SAMD4B: variants seen among roughly 807,000 people sequenced by gnomAD.
The protein encoded by SAMD4B is sterile alpha motif domain containing 4B.
In SAMD4B, 5 loss-of-function variants were observed where a neutral mutation model predicts 74.5. The ratio of observed to expected loss-of-function variants is 0.07; its 90% CI spans 0.04 to 0.14. SAMD4B has a LOEUF of 0.14. Ranked by LOEUF, SAMD4B falls within the 10% of genes least tolerant of loss-of-function variation. The probability of loss-of-function intolerance (pLI) is 1.00; values close to 1 mark genes in which losing one functional copy is unlikely to be tolerated. For synonymous variants in SAMD4B, 373 were observed against 374.9 expected, an observed-to-expected ratio of 1.00 and a Z score of 0.06; for missense variants, 608 against 921.8, an observed-to-expected ratio of 0.66 and a Z score of 4.41.
intron 3 of SAMD4B, among the ~76,000 whole-genome samples, chr19:39,360,826 C>G (rs1397407859): frequency 6.6e-6 from 1 of 152,172 alleles, no homozygotes; most frequent in African/African-American, 2.4e-5. Flanking sequence ...GTGACTGTTA[C>G]AATCCAGATT....
intron 3 of SAMD4B, among the ~76,000 whole-genome samples, chr19:39,365,992 G>A (rs1357367617): frequency 1.3e-5 from 2 of 152,114 alleles, no homozygotes; most frequent in African/African-American, 4.8e-5. Flanking sequence ...TTTGAGAGCA[G>A]GAATTTGAGA....
In SAMD4B at chr19:39,378,665, T is replaced by G. The variant is rs2077751876; in HGVS notation, c.1530+76T>G. The stretch of plus-strand genomic sequence containing the variant: ...GGTTCACGCCTGTAGTCCCAGCACT[T>G]CGGCCACCGAGGCGGGCGGATCATG... On this transcript the variant is annotated intron_variant, in intron 9 of 13. Transcript: ENST00000610417. This position sits in a 1 kb window ranked among gnomAD's most constrained non-coding sequence, Gnocchi z 4.4. 4 of 1,286,634 alleles carry G rather than the reference T, an allele frequency of 3.1e-6. No homozygotes were observed. The highest frequency in any genetic ancestry group is 4.5e-6 in the Non-Finnish European group (4 of 893,930). 79.7% of individuals were successfully genotyped at this position (1,286,634 alleles called of 1,614,324 possible).
At chr19:39,388,685 G>C, downstream of SAMD4B, 2 of 1,613,388 alleles carry the variant, frequency 1.2e-6, no homozygotes, top group Non-Finnish European at 1.7e-6. Flanking sequence ...CCCTGGTTGG[G>C]GGAAAAGGAG....
chr19:39,343,875 C>T (rs766140179), intron 1 of SAMD4B, among the ~76,000 whole-genome samples: 2 of 151,730 alleles, frequency 1.3e-5, no homozygotes, highest in Non-Finnish European at 2.9e-5. Flanking sequence ...ACCTCAGAAT[C>T]CCCCCTTGCA....
At chr19:39,347,774 G>A (rs1343951979) in intron 1 of SAMD4B, among the ~76,000 whole-genome samples, 2 of 152,218 alleles carry the variant, frequency 1.3e-5, no homozygotes, top group Non-Finnish European at 2.9e-5. Flanking sequence ...TTCAGGGCAA[G>A]TTACAGAACA....
At chr19:39,377,961 T>A in intron 8 of SAMD4B, 137 bp downstream of exon 8, 1 of 848,920 alleles carries the variant, frequency 1.2e-6, no homozygotes. Flanking sequence ...CTACAGAGAG[T>A]AGCCAAGACA....
At chr19:39,389,629 T>C (rs1410379950), downstream of SAMD4B, 3 of 1,614,060 alleles carry the variant, frequency 1.9e-6, no homozygotes, top group Non-Finnish European at 2.5e-6. This position sits in a 1 kb window ranked among gnomAD's most constrained non-coding sequence, Gnocchi z 5.3. Flanking sequence ...CCTCCCTGTC[T>C]CCCCACACAC....
chr19:39,364,907 A>G (rs1568354400), intron 3 of SAMD4B, among the ~76,000 whole-genome samples: 1 of 152,170 alleles, frequency 6.6e-6, no homozygotes, highest in East Asian at 1.9e-4. Context: ...AGGGAAGAAG[A>G]GAGACTTGGG....
In SAMD4B at chr19:39,375,593, G is replaced by A. The variant is rs2077554263; in HGVS notation, c.668-57G>A. ...TCCTGGCACTGACGGCAGGGGGATG[G>A]TCTCCTGTGGTTGGGTCCCCAGGTC... On this transcript the variant is annotated intron_variant, in intron 4 of 13. Transcript: ENST00000610417. This position sits in a 1 kb window ranked among gnomAD's most constrained non-coding sequence, Gnocchi z 4.1. The A allele has an allele frequency of 6.4e-7, 1 of 1,567,762 alleles. No individual in the cohort carries two copies. Among genetic ancestry groups the A allele is most frequent in the Non-Finnish European group, 8.7e-7 (1 of 1,149,228 alleles).
chr19:39,389,509 C>T (rs776163993), downstream of SAMD4B: 17 of 1,614,084 alleles, frequency 1.1e-5, no homozygotes, highest in Admixed American at 1.8e-4. This position sits in a 1 kb window ranked among gnomAD's most constrained non-coding sequence, Gnocchi z 5.3. Context: ...CCTGAATCTC[C>T]TCTTCCAAAA....
chr19:39,390,155 T>G (rs748604084), downstream of SAMD4B: 1 of 1,613,878 alleles, frequency 6.2e-7, no homozygotes, highest in African/African-American at 1.3e-5. Context: ...GGCAGACCAC[T>G]CCAGACCTAG....
intron 1 of SAMD4B, among the ~76,000 whole-genome samples, chr19:39,348,806 G>T (rs2075849096): frequency 1.3e-5 from 2 of 152,190 alleles, no homozygotes; most frequent in Admixed American, 1.3e-4. Flanking sequence ...ATGTGGTGGT[G>T]GTGGTGGTAG....
intron 3 of SAMD4B, 111 bp from the exon 4 acceptor site, chr19:39,369,544 C>T (rs1037261396): frequency 1.1e-5 from 9 of 813,830 alleles, no homozygotes; most frequent in South Asian, 1.8e-5. Context: ...AAAAGAAAAT[C>T]GTTATGAAAA....
intron 3 of SAMD4B, among the ~76,000 whole-genome samples, chr19:39,363,061 C>T (rs1205609920): frequency 6.6e-6 from 1 of 152,144 alleles, no homozygotes; most frequent in African/African-American, 2.4e-5. Context: ...TGACTGGTGC[C>T]TGAGGCTACT....
chr19:39,354,334 C>T (rs1293475763), intron 2 of SAMD4B, among the ~76,000 whole-genome samples: 1 of 152,166 alleles, frequency 6.6e-6, no homozygotes, highest in Non-Finnish European at 1.5e-5. Context: ...ATGCCATTCC[C>T]CTTGAGTCTT....
At chr19:39,381,277 T>G (rs1240861068) in intron 12 of SAMD4B, 164 bp downstream of exon 12, 37 of 781,652 alleles carry the variant, frequency 4.7e-5, no homozygotes, top group Non-Finnish European at 7.1e-5. Context: ...GGGGTTGTTT[T>G]CCTCCTCTGC....
Position 39,375,641 on chromosome 19 carries a change from T to G in SAMD4B, c.668-9T>G. On this transcript the variant is annotated splice_polypyrimidine_tract_variant and intron_variant, in intron 4 of 13. Coordinates refer to ENST00000610417, the MANE Select transcript of SAMD4B (RefSeq NM_001384574.2). This position sits in a 1 kb window ranked among gnomAD's most constrained non-coding sequence, Gnocchi z 4.1. ...GTCTAATATTTTGCTTTTCTCCCAC[T>G]CTGGCCAGGTCTCCCCTGCCAAATC... is the stretch of plus-strand genomic sequence containing the variant. The G allele has an allele frequency of 6.3e-7, 1 of 1,595,008 alleles. No individual in the cohort carries two copies. The highest frequency in any genetic ancestry group is 8.6e-7 in the Non-Finnish European group (1 of 1,164,094).
chr19:39,370,451 A>G (rs191818367), intron 4 of SAMD4B, among the ~76,000 whole-genome samples: 8 of 152,336 alleles, frequency 5.3e-5, no homozygotes, highest in Admixed American at 3.3e-4. Context: ...TAGCAACTCA[A>G]CAAGATCTGT....
rs974001046 is a variant in SAMD4B at position 39,354,029 on chromosome 19, A to C, written c.-243A>C. 6.6e-6 allele frequency: 1 copy of C among 152,210 alleles called. No individual in the cohort carries two copies. Among genetic ancestry groups the C allele is most frequent in the Non-Finnish European group, 1.5e-5 (1 of 68,048 alleles). The allele number at this position is 152,210 out of a possible 1,614,324, so 9.4% of individuals were successfully genotyped here. The stretch of plus-strand genomic sequence containing the variant: ...AGGATTCTTCTCATCGCAGTGCTCC[A>C]GGCAGCCACTACCAATCGATTGGAG... On this transcript the variant is annotated 5_prime_UTR_variant, in exon 2 of 14. Coordinates refer to ENST00000610417, the MANE Select transcript of SAMD4B (RefSeq NM_001384574.2).
Sources: allele counts gnomAD v4.1 joint callset (sites outside exome capture counted in the v4.1 genomes callset), GRCh38; gene constraint gnomAD v4.1.1; non-coding constraint Gnocchi (gnomAD v3.1); transcripts MANE v1.5; gene names NCBI Gene and HGNC (gene_info 2026-07-23, HGNC 2026-07-21).